GPC5: variants seen among roughly 807,000 people sequenced by gnomAD.
GPC5 encodes the protein glypican 5.
Under a neutral mutation model 53.9 loss-of-function variants are expected in GPC5, and 47 were observed. The ratio of observed to expected loss-of-function variants is 0.87; its 90% CI spans 0.69 to 1.11. The LOEUF is 1.11. Ranked by LOEUF, GPC5 falls within the 50% of genes most tolerant of loss-of-function variation. The pLI, the probability that GPC5 is intolerant of heterozygous loss-of-function variation, is 0.00. For missense variants in GPC5, 748 were observed against 713.1 expected (o/e 1.05, Z -0.56); for synonymous variants, 286 against 263.3 (o/e 1.09, Z -0.84).
intron 7 of GPC5, among the ~76,000 whole-genome samples, chr13:92,385,092 T>C (rs1440066490): frequency 2.6e-5 from 4 of 151,838 alleles, no homozygotes; most frequent in African/African-American, 9.7e-5. Context: ...ATATGAAAAC[T>C]CTCCCCAGAT....
intron 5 of GPC5, among the ~76,000 whole-genome samples, chr13:91,896,362 A>G (rs1260828954): frequency 6.6e-6 from 1 of 151,982 alleles, no homozygotes; most frequent in Non-Finnish European, 1.5e-5. Context: ...CTCGTTATCC[A>G]GCCACCTCCG....
intron 2 of GPC5, among the ~76,000 whole-genome samples, chr13:91,608,806 A>C (rs1478496290): frequency 6.6e-6 from 1 of 151,884 alleles, no homozygotes; most frequent in Admixed American, 6.6e-5. Flanking sequence ...GAAAGTTCCA[A>C]ACTGGGATGA....
chr13:92,562,934 C>G (rs1342444907), intron 7 of GPC5, among the ~76,000 whole-genome samples: 1 of 151,770 alleles, frequency 6.6e-6, no homozygotes, highest in Non-Finnish European at 1.5e-5. Flanking sequence ...AGCAGGGTAG[C>G]ATAATAAAAG....
At chr13:91,609,470 T>C (rs1030333016) in intron 2 of GPC5, among the ~76,000 whole-genome samples, 2 of 152,188 alleles carry the variant, frequency 1.3e-5, no homozygotes, top group African/African-American at 4.8e-5. Flanking sequence ...AGGAGGACTC[T>C]AAACACGTCA....
At chr13:92,023,266 C>A (rs558074125) in intron 6 of GPC5, among the ~76,000 whole-genome samples, 1 of 151,896 alleles carries the variant, frequency 6.6e-6, no homozygotes, top group Non-Finnish European at 1.5e-5. Flanking sequence ...ACATCATGAA[C>A]AATTGGAAGA....
chr13:92,615,656 T>C (rs1255686943), intron 7 of GPC5, among the ~76,000 whole-genome samples: 1 of 152,200 alleles, frequency 6.6e-6, no homozygotes, highest in East Asian at 1.9e-4. Context: ...AATAGACTTC[T>C]TATGGTCTTA....
intron 7 of GPC5, among the ~76,000 whole-genome samples, chr13:92,822,976 A>G (rs1222196968): frequency 6.7e-6 from 1 of 150,032 alleles, no homozygotes; most frequent in Admixed American, 6.6e-5. Context: ...GAAAGTGTGA[A>G]AAAAAAAAAT....
intron 7 of GPC5, among the ~76,000 whole-genome samples, chr13:92,626,766 A>C (rs1464797390): frequency 6.6e-6 from 1 of 152,278 alleles, no homozygotes; most frequent in Admixed American, 6.5e-5. Flanking sequence ...GATAGGAGTA[A>C]AACTCTCCTA....
intron 6 of GPC5, among the ~76,000 whole-genome samples, chr13:91,971,622 T>TAC (rs2040243114): frequency 6.6e-6 from 1 of 152,112 alleles, no homozygotes; most frequent in South Asian, 2.1e-4. Flanking sequence ...AATTTCCCTC[T>TAC]ACACACTGCT....
At chr13:92,236,648 A>G (rs923477816) in intron 7 of GPC5, among the ~76,000 whole-genome samples, 2 of 152,146 alleles carry the variant, frequency 1.3e-5, no homozygotes, top group African/African-American at 4.8e-5. Context: ...TTACCTTTCA[A>G]CATTCTTTGA....
At chr13:92,539,586 T>C (rs1423761074) in intron 7 of GPC5, among the ~76,000 whole-genome samples, 9 of 152,088 alleles carry the variant, frequency 5.9e-5, no homozygotes, top group Admixed American at 5.9e-4. Context: ...ATCAGATGGG[T>C]AGATTGCAAA....
intron 6 of GPC5, among the ~76,000 whole-genome samples, chr13:91,948,397 C>T (rs2039995279): frequency 2.0e-5 from 3 of 152,002 alleles, no homozygotes; most frequent in African/African-American, 7.2e-5. Flanking sequence ...TTCATTCATT[C>T]ATTCAATTAA....
chr13:91,708,714 A>G (rs2036162491), intron 3 of GPC5, among the ~76,000 whole-genome samples: 1 of 152,166 alleles, frequency 6.6e-6, no homozygotes, highest in Non-Finnish European at 1.5e-5. Context: ...TTATAAAAAA[A>G]TTACAATGTA....
At chr13:92,213,285 C>T (rs1375114559) in intron 7 of GPC5, among the ~76,000 whole-genome samples, 1 of 152,138 alleles carries the variant, frequency 6.6e-6, no homozygotes, top group Non-Finnish European at 1.5e-5. Flanking sequence ...ACTTTCCATC[C>T]TCCCGGAGCT....
Position 91,592,914 on chromosome 13 carries a change from G to A in GPC5, c.326-100273G>A, listed in dbSNP as rs72641457. 3.9e-3 allele frequency among the ~76,000 whole-genome samples: 600 copies of A among 152,318 alleles called. 3 individuals carry two copies. Among genetic ancestry groups the A allele is most frequent in the Middle Eastern group, 6.8e-3 (2 of 294 alleles). On this transcript the variant is annotated intron_variant, in intron 2 of 7. Coordinates refer to ENST00000377067, the MANE Select transcript of GPC5 (RefSeq NM_004466.6). ...ATGGGGAAGTAAGTCCTGGCATGGC[G>A]GTCAGCTGAGGCAAGACATTCTCAG... is the stretch of plus-strand genomic sequence containing the variant.
chr13:92,732,628 G>GT (rs1424052157), intron 7 of GPC5, among the ~76,000 whole-genome samples: 23 of 151,736 alleles, frequency 1.5e-4, no homozygotes, highest in African/African-American at 5.3e-4. Context: ...AGAAGATTGT[G>GT]TAATTTTGAG....
intron 2 of GPC5, among the ~76,000 whole-genome samples, chr13:91,519,079 A>G (rs1010747888): frequency 6.6e-6 from 1 of 152,192 alleles, no homozygotes; most frequent in Non-Finnish European, 1.5e-5. Flanking sequence ...TGAATTAGCT[A>G]AAGTGGAATA....
intron 6 of GPC5, among the ~76,000 whole-genome samples, chr13:91,979,554 G>T (rs1566375839): frequency 1.3e-5 from 2 of 152,264 alleles, no homozygotes; most frequent in Middle Eastern, 3.4e-3. Context: ...TATATCTGCA[G>T]GTACTATGGG....
intron 5 of GPC5, among the ~76,000 whole-genome samples, chr13:91,770,702 GTT>G (rs1491538482): frequency 3.1e-5 from 4 of 130,946 alleles, no homozygotes; most frequent in African/African-American, 1.2e-4. Context: ...GAGACTGTGT[GTT>G]TGTGTGTGTG....
Sources: allele counts gnomAD v4.1 joint callset (sites outside exome capture counted in the v4.1 genomes callset), GRCh38; gene constraint gnomAD v4.1.1; transcripts MANE v1.5; gene names NCBI Gene and HGNC (gene_info 2026-07-23, HGNC 2026-07-21).